The following POLQ variants were observed in gnomAD, a reference collection of about 807,000 sequenced individuals.
The protein encoded by POLQ is epididymis secretory sperm binding protein.
In POLQ, 233 loss-of-function variants were observed where a neutral mutation model predicts 259.2. That is an observed-to-expected ratio of 0.90 (90% CI 0.81 to 1.00). The LOEUF is 1.00. POLQ is among the 50% of genes least tolerant of loss of function. POLQ has a pLI of 0.00. For missense variants in POLQ, 2,871 were observed against 3,051.6 expected, an observed-to-expected ratio of 0.94 and a Z score of 1.39; for synonymous variants, 1,025 against 1,048.8, an observed-to-expected ratio of 0.98 and a Z score of 0.44.
At position 121,500,650 on chromosome 3, in the gene POLQ, C is replaced by A. The variant is rs72969987; in HGVS notation, c.1960-1980G>T. Among the ~76,000 whole-genome samples, 504 of 152,218 alleles carry A rather than the reference C, an allele frequency of 3.3e-3. 5 individuals carry two copies. Among genetic ancestry groups the A allele is most frequent in the African/African-American group, 0.012 (479 of 41,548 alleles). On this transcript the variant is annotated intron_variant, in intron 12 of 29. Coordinates refer to ENST00000264233, the MANE Select transcript of POLQ (RefSeq NM_199420.4). ...AGAAGATAGAAAGGAAAAGGAAAATCATCTGAAGAAATTATGGCTAAAAGT... is the reference window on the plus strand; with the variant it reads ...AGAAGATAGAAAGGAAAAGGAAAATAATCTGAAGAAATTATGGCTAAAAGT...
chr3:121,444,234 A>G (rs1272508935), intron 26 of POLQ, among the ~76,000 whole-genome samples: 1 of 152,096 alleles, frequency 6.6e-6, no homozygotes, highest in Non-Finnish European at 1.5e-5. Context: ...TGAACATGGA[A>G]TATTTTTTCA....
intron 24 of POLQ, 122 bp downstream of exon 24, chr3:121,467,397 G>A (rs139412119): frequency 1.6e-4 from 144 of 913,518 alleles, no homozygotes; most frequent in African/African-American, 1.1e-3. Flanking sequence ...AGGCTCCACC[G>A]TAGACAGAAA....
intron 12 of POLQ, among the ~76,000 whole-genome samples, chr3:121,507,985 C>T (rs1008692994): frequency 2.0e-5 from 3 of 149,554 alleles, no homozygotes; most frequent in East Asian, 3.9e-4. Flanking sequence ...TTCCAAGTAG[C>T]TGGGATTACC....
intron 24 of POLQ, among the ~76,000 whole-genome samples, chr3:121,463,555 C>T (rs2047810808): frequency 6.6e-6 from 1 of 152,062 alleles, no homozygotes; most frequent in Admixed American, 6.6e-5. Flanking sequence ...TGTCCCATAA[C>T]AGAGAAACTG....
intron 26 of POLQ, among the ~76,000 whole-genome samples, chr3:121,446,602 C>T (rs1459667599): frequency 1.3e-5 from 2 of 152,028 alleles, no homozygotes; most frequent in Non-Finnish European, 2.9e-5. Context: ...CTTTATATGT[C>T]CAGGTGCTCC....
intron 12 of POLQ, among the ~76,000 whole-genome samples, chr3:121,499,316 G>A (rs893837412): frequency 6.6e-6 from 1 of 151,164 alleles, no homozygotes; most frequent in Admixed American, 6.6e-5. Context: ...ATCCAGGCTG[G>A]GATCTAGTTC....
chr3:121,457,340 T>C (rs903346501), intron 25 of POLQ, among the ~76,000 whole-genome samples: 1 of 152,106 alleles, frequency 6.6e-6, no homozygotes, highest in Non-Finnish European at 1.5e-5. Context: ...ACTTCATGTC[T>C]AAAACACCAA....
rs1449758398 is a variant in POLQ, at chr3:121,529,778, A to T, written c.975T>A (p.His325Gln). 1.2e-6 allele frequency: 2 copies of T among 1,610,116 alleles called. No individual in the cohort carries two copies. The highest frequency in any genetic ancestry group is 1.7e-6 in the Non-Finnish European group (2 of 1,177,792). Residue 325 changes from histidine to glutamine, a missense_variant, in exon 7 of 30, where the codon CAT becomes CAA. Transcript: ENST00000264233. Reference sequence around the variant, plus strand: ...TCGTCTCATAACATAAACTAACAACATGGTCCTCATCTCCCTAAAACAGAA... The same window carrying T: ...TCGTCTCATAACATAAACTAACAACTTGGTCCTCATCTCCCTAAAACAGAA... The part of the protein sequence containing the change: ...PMLQVKGDED[H>Q]VVSLCYETIC...
Position 121,488,756 on chromosome 3 carries a change from A to C in POLQ, c.4175T>G (p.Leu1392Arg), listed in dbSNP as rs762734453. The C allele has an allele frequency of 6.2e-7, 1 of 1,614,046 alleles. No homozygotes were observed. Among genetic ancestry groups the C allele is most frequent in the Admixed American group, 1.7e-5 (1 of 60,022 alleles). Residue 1392 changes from leucine (L) to arginine (R), a missense_variant, in exon 16 of 30, where the codon CTT becomes CGT. Leu to Arg is a moderately radical substitution (Grantham distance 102, BLOSUM62 -2). Around this residue, in one of 3 missense-constraint regions of POLQ, gnomAD observed 2,080 missense variants for 2,126.0 expected, o/e 0.98. Transcript: ENST00000264233. ...TTGTTTCATAGTACCTACAGTCTTAAGGTCCAAATGATCTATCTTAGTCGC... is the reference window on the plus strand; with the variant it reads ...TTGTTTCATAGTACCTACAGTCTTACGGTCCAAATGATCTATCTTAGTCGC... ...LGATKIDHLD[L>R]KTVGTMKQSS... is the part of the protein sequence containing the mutation.
intron 6 of POLQ, among the ~76,000 whole-genome samples, chr3:121,530,840 C>T (rs1446808385): frequency 6.6e-5 from 10 of 152,176 alleles, no homozygotes; most frequent in Admixed American, 6.5e-4. Context: ...AGAAAAAAAG[C>T]TCTACCCTCA....
chr3:121,511,393 T>C (rs908864258), intron 10 of POLQ, among the ~76,000 whole-genome samples: 4 of 151,426 alleles, frequency 2.6e-5, no homozygotes, highest in Non-Finnish European at 5.9e-5. Context: ...CGAGACTTCA[T>C]CTCAAAAACA....
At position 121,490,168 on chromosome 3, in the gene POLQ, G is replaced by A. The variant is rs3218646; in HGVS notation, c.2763C>T (p.His921=). Residue 921 remains histidine (H), a synonymous_variant, in exon 16 of 30, where the codon CAC becomes CAT. Coordinates refer to ENST00000264233, the MANE Select transcript of POLQ (RefSeq NM_199420.4). The stretch of plus-strand genomic sequence containing the variant: ...AACTCTTAGTTTGGGATATAAATGT[G>A]TGTTCCTTTACTTCGGACTCACTAT... ...LTHSESEVKE[H]TFISQTKSSY... 2.8e-3 allele frequency: 4,489 copies of A among 1,611,608 alleles called. 111 individuals are homozygous for A. The African/African-American group carries it at 0.051, about 18-fold the overall frequency.
intron 9 of POLQ, among the ~76,000 whole-genome samples, chr3:121,518,361 T>C (rs989422305): frequency 1.3e-5 from 2 of 152,150 alleles, no homozygotes; most frequent in Middle Eastern, 6.8e-3. Context: ...ATGTGAAAAA[T>C]ATGGCACTAA....
chr3:121,468,633 T>C (rs2047858659), intron 22 of POLQ, among the ~76,000 whole-genome samples: 1 of 152,226 alleles, frequency 6.6e-6, no homozygotes, highest in Non-Finnish European at 1.5e-5. Context: ...TAAATGAATG[T>C]ATGAATTGGC....
chr3:121,472,569 A>G (rs1462856425), intron 21 of POLQ, among the ~76,000 whole-genome samples: 1 of 152,174 alleles, frequency 6.6e-6, no homozygotes, highest in African/African-American at 2.4e-5. Flanking sequence ...TTCCATATCA[A>G]GGTAATCAGG....
chr3:121,462,257 T>C (rs1250193610), intron 24 of POLQ, among the ~76,000 whole-genome samples: 1 of 151,718 alleles, frequency 6.6e-6, no homozygotes, highest in Non-Finnish European at 1.5e-5. Context: ...TTGGACAAAT[T>C]ATATGGGAAA....
chr3:121,460,778 T>C (rs1576405108), intron 24 of POLQ, among the ~76,000 whole-genome samples: 1 of 152,072 alleles, frequency 6.6e-6, no homozygotes, highest in African/African-American at 2.4e-5. Context: ...AATCAAGTGG[T>C]CAACAGGTGA....
chr3:121,519,401 C>T (rs1472415105), intron 9 of POLQ, among the ~76,000 whole-genome samples: 5 of 144,974 alleles, frequency 3.4e-5, no homozygotes, highest in South Asian at 2.2e-4. Flanking sequence ...TTATGCCAGG[C>T]GCGGTGGCTC....
intron 16 of POLQ, 85 bp from the exon 17 acceptor site, chr3:121,485,269 C>T: frequency 1.0e-6 from 1 of 965,756 alleles, no homozygotes. Flanking sequence ...AATAAAAAAC[C>T]TATCTTTGAT....
Sources: gnomAD v4.1 joint callset for allele counts (sites outside exome capture counted in the v4.1 genomes callset) on GRCh38, gnomAD v4.1.1 for gene constraint, gnomAD v4.1.1 regional missense constraint, MANE v1.5 for transcripts, NCBI Gene and HGNC (gene_info 2026-07-23, HGNC 2026-07-21) for gene names.